PRKD1: variants seen among roughly 807,000 people sequenced by gnomAD.
The protein encoded by PRKD1 is protein kinase D1, also known as serine/threonine-protein kinase D1.
A neutral mutation model predicts 95.9 loss-of-function variants in PRKD1; 63 were observed. The ratio of observed to expected loss-of-function variants is 0.66; its 90% CI spans 0.54 to 0.81. The LOEUF (loss-of-function observed/expected upper bound fraction) is 0.81. PRKD1 is among the 30% of genes least tolerant of loss of function. PRKD1 has a pLI of 0.00. For missense variants in PRKD1, 1,048 were observed against 1,165.3 expected, an observed-to-expected ratio of 0.90 and a Z score of 1.47; for synonymous variants, 425 against 423.1, an observed-to-expected ratio of 1.00 and a Z score of -0.05.
chr14:29,723,581 G>A (rs982652601), intron 2 of PRKD1, among the ~76,000 whole-genome samples: 2 of 152,064 alleles, frequency 1.3e-5, no homozygotes, highest in Non-Finnish European at 2.9e-5. Context: ...AAATCACAAT[G>A]CTAAGCAATA....
intron 4 of PRKD1, among the ~76,000 whole-genome samples, chr14:29,660,620 A>G (rs1324486419): frequency 6.6e-6 from 1 of 152,244 alleles, no homozygotes; most frequent in Non-Finnish European, 1.5e-5. Flanking sequence ...GTTCTACAAC[A>G]GATTATTATA....
chr14:29,921,103 A>G (rs914906684), intron 1 of PRKD1, among the ~76,000 whole-genome samples: 1 of 152,236 alleles, frequency 6.6e-6, no homozygotes, highest in African/African-American at 2.4e-5. Context: ...GTGAAATACC[A>G]TTGACATTGC....
intron 1 of PRKD1, among the ~76,000 whole-genome samples, chr14:29,893,313 A>G (rs1894004076): frequency 6.6e-6 from 1 of 151,992 alleles, no homozygotes. Context: ...TTTAAAAATA[A>G]AGATGTTAAT....
intron 1 of PRKD1, among the ~76,000 whole-genome samples, chr14:29,805,909 T>C (rs1226012698): frequency 6.6e-6 from 1 of 152,074 alleles, no homozygotes; most frequent in Non-Finnish European, 1.5e-5. Context: ...AAAACTTAAG[T>C]TATGGCAAGA....
In PRKD1 at chr14:29,609,506, G is replaced by GCCACACA; in HGVS notation, c.1906-9690_1906-9689insTGTGTGG. Among the ~76,000 whole-genome samples the GCCACACA allele has an allele frequency of 2.4e-5, 3 of 127,488 alleles. 1 individual carries two copies. In the Admixed American group the frequency reaches 2.4e-4, roughly 10 times the overall value. 83.6% of individuals were successfully genotyped at this position (127,488 alleles called of 152,430 possible). ...CTAATCTATTTGTGTGTGTGTGCGT[G>GCCACACA]CACACACACACACACACACACACAC... On this transcript the variant is annotated intron_variant, in intron 13 of 17. Coordinates refer to ENST00000331968, the MANE Select transcript of PRKD1 (RefSeq NM_002742.3).
intron 16 of PRKD1, among the ~76,000 whole-genome samples, chr14:29,585,969 A>C (rs1311149843): frequency 6.6e-6 from 1 of 152,206 alleles, no homozygotes; most frequent in Non-Finnish European, 1.5e-5. Context: ...TCTCTTTTAC[A>C]TACATATGAA....
chr14:29,881,447 C>CT (rs1893509506), intron 1 of PRKD1, among the ~76,000 whole-genome samples: 1 of 151,988 alleles, frequency 6.6e-6, no homozygotes, highest in East Asian at 1.9e-4. Context: ...GGGTATGTCT[C>CT]TATCAGCAGC....
chr14:29,663,597 T>C (rs948733350), intron 4 of PRKD1, 102 bp downstream of exon 4: 1 of 1,323,948 alleles, frequency 7.6e-7, no homozygotes, highest in Admixed American at 1.9e-5. Flanking sequence ...ACACCCTGGC[T>C]GCATTCTCCC....
chr14:29,768,426 T>C lies in PRKD1; in HGVS notation c.265-42752A>G, dbSNP rs553661350. Among the ~76,000 whole-genome samples, 69 of 152,348 alleles carry C rather than the reference T, an allele frequency of 4.5e-4. No individual in the cohort carries two copies. In the South Asian group the frequency reaches 0.013, roughly 30 times the overall value. On this transcript the variant is annotated intron_variant, in intron 1 of 17. Transcript: ENST00000331968. ...TAACTGCTCATTCAGTTTCATAATA[T>C]GTTTTGAAATTTTGTTACAGTTTGA...
chr14:29,895,652 C>T (rs1450498604), intron 1 of PRKD1, among the ~76,000 whole-genome samples: 1 of 152,134 alleles, frequency 6.6e-6, no homozygotes, highest in African/African-American at 2.4e-5. Flanking sequence ...CTCATCTCCC[C>T]ACTCACTCCA....
chr14:29,888,304 G>A (rs1047463368), intron 1 of PRKD1, among the ~76,000 whole-genome samples: 2 of 150,114 alleles, frequency 1.3e-5, no homozygotes, highest in East Asian at 2.0e-4. Context: ...GAGAAAGAGA[G>A]AAAGGGAAAG....
At chr14:29,628,900 T>C (rs1879799698) in intron 11 of PRKD1, 141 bp downstream of exon 11, 2 of 364,758 alleles carry the variant, frequency 5.5e-6, no homozygotes, top group African/African-American at 6.2e-5. Context: ...ATTTCTAAAA[T>C]ATCACAAAAA....
chr14:29,582,391 A>T (rs1892781930), intron 16 of PRKD1, among the ~76,000 whole-genome samples: 1 of 151,160 alleles, frequency 6.6e-6, no homozygotes, highest in Non-Finnish European at 1.5e-5. Context: ...TAATTTCAGA[A>T]TCCATTCTTT....
At chr14:29,785,925 T>TA (rs921488398) in intron 1 of PRKD1, among the ~76,000 whole-genome samples, 3 of 151,934 alleles carry the variant, frequency 2.0e-5, no homozygotes, top group African/African-American at 7.2e-5. Context: ...TTCCAGTTCT[T>TA]AAGAGTAAAG....
At chr14:29,737,194 C>T (rs937148110) in intron 1 of PRKD1, among the ~76,000 whole-genome samples, 6 of 150,690 alleles carry the variant, frequency 4.0e-5, no homozygotes, top group South Asian at 2.1e-4. Context: ...CGGTGGCGGG[C>T]GCCTGTAGTC....
intron 1 of PRKD1, among the ~76,000 whole-genome samples, chr14:29,782,128 C>T (rs1033031415): frequency 6.6e-6 from 1 of 152,122 alleles, no homozygotes; most frequent in African/African-American, 2.4e-5. Flanking sequence ...AGACTGAAAT[C>T]CTACTTGTTT....
intron 2 of PRKD1, among the ~76,000 whole-genome samples, chr14:29,671,288 G>A (rs1442661668): frequency 6.6e-6 from 1 of 152,142 alleles, no homozygotes; most frequent in African/African-American, 2.4e-5. Context: ...GGAACTGTCT[G>A]ATGAGCTCAT....
intron 1 of PRKD1, among the ~76,000 whole-genome samples, chr14:29,794,241 G>A (rs1236400623): frequency 6.6e-6 from 1 of 151,550 alleles, no homozygotes; most frequent in Non-Finnish European, 1.5e-5. Context: ...GTATTTAGCA[G>A]AATATACTTT....
chr14:29,633,651 C>T (rs1008513349), intron 8 of PRKD1, among the ~76,000 whole-genome samples: 1 of 152,158 alleles, frequency 6.6e-6, no homozygotes, highest in African/African-American at 2.4e-5. Flanking sequence ...TGATTCCGCT[C>T]TTCTCCTCCA....
Sources: gnomAD v4.1 joint callset for allele counts (sites outside exome capture counted in the v4.1 genomes callset) on GRCh38, gnomAD v4.1.1 for gene constraint, MANE v1.5 for transcripts, NCBI Gene and HGNC (gene_info 2026-07-23, HGNC 2026-07-21) for gene names.